The following IQSEC1 variants were observed in gnomAD, a reference collection of about 807,000 sequenced individuals.
IQSEC1 encodes IQ motif and SEC7 domain-containing protein 1.
Under a neutral mutation model 91.0 loss-of-function variants are expected in IQSEC1, and 31 were observed. The observed-to-expected ratio is 0.34, with a 90% confidence interval of 0.26 to 0.46. IQSEC1 has a LOEUF of 0.46. Among genes scored for constraint, IQSEC1 ranks in the 20% least tolerant of loss-of-function variants. The pLI, the probability that IQSEC1 is intolerant of heterozygous loss-of-function variation, is 1.00. For synonymous variants in IQSEC1, 699 were observed against 662.6 expected (o/e 1.05, Z -0.84); for missense variants, 1,388 against 1,575.6 (o/e 0.88, Z 2.02).
At chr3:13,219,326 C>A (rs1694611140) in intron 1 of IQSEC1, among the ~76,000 whole-genome samples, 1 of 152,168 alleles carries the variant, frequency 6.6e-6, no homozygotes. Flanking sequence ...TCACTGGCCG[C>A]GGCTGCCCAC....
At chr3:13,168,822 T>C (rs1296559360) in intron 1 of IQSEC1, among the ~76,000 whole-genome samples, 2 of 152,194 alleles carry the variant, frequency 1.3e-5, no homozygotes, top group Non-Finnish European at 2.9e-5. Flanking sequence ...CTTCCTGGTA[T>C]CCCTCCTATC....
intron 2 of IQSEC1, among the ~76,000 whole-genome samples, chr3:13,115,588 C>T (rs1002362632): frequency 4.6e-5 from 7 of 152,190 alleles, no homozygotes; most frequent in East Asian, 3.8e-4. Flanking sequence ...AACAAGAATA[C>T]GTTGTCTCAC....
chr3:13,076,140 C>T (rs191369302), upstream of IQSEC1, among the ~76,000 whole-genome samples: 600 of 152,302 alleles, frequency 3.9e-3, 2 homozygotes, highest in African/African-American at 0.012. Context: ...GCAGGGGCAG[C>T]CAGCCTTGGG....
intron 1 of IQSEC1, among the ~76,000 whole-genome samples, chr3:12,985,428 G>T (rs1701679425): frequency 6.6e-6 from 1 of 152,172 alleles, no homozygotes; most frequent in African/African-American, 2.4e-5. Flanking sequence ...GGGGGTGGGA[G>T]AGCTGGTCTC....
rs1180453597 is a variant in IQSEC1 at position 12,941,688 on chromosome 3, C to T, written c.201G>A (p.Arg67=). 1 of 1,612,876 alleles carries T rather than the reference C, an allele frequency of 6.2e-7. No homozygotes were observed. Among genetic ancestry groups the T allele is most frequent in the South Asian group, 1.1e-5 (1 of 91,070 alleles). The change falls in exon 2 of 14, where the codon AGG becomes AGA. Residue 67 remains arginine (R), a synonymous_variant. Transcript: ENST00000613206. ...TGGAGGTCGAGTGCTGCAGCTTGGGCCTCCGCGTGCGCTGCTGTTGCCCCG... is the reference window on the plus strand; with the variant it reads ...TGGAGGTCGAGTGCTGCAGCTTGGGTCTCCGCGTGCGCTGCTGTTGCCCCG... The part of the protein sequence containing the change: ...GPPGQQQRTR[R]PKLQHSTSIL...
At chr3:13,017,019 C>A (rs1703165334) in intron 1 of IQSEC1, among the ~76,000 whole-genome samples, 1 of 152,218 alleles carries the variant, frequency 6.6e-6, no homozygotes. Flanking sequence ...AGCATGATGT[C>A]CTCAAGGTTC....
rs1363286667 is a variant in IQSEC1 at position 13,193,465 on chromosome 3, G to T, written c.273-29332C>A. Among the ~76,000 whole-genome samples the T allele has an allele frequency of 6.6e-6, 1 of 152,212 alleles. No individual in the cohort carries two copies. Among genetic ancestry groups the T allele is most frequent in the Non-Finnish European group, 1.5e-5 (1 of 68,040 alleles). ...GTGACCACAGGAAGGGGAGCACGCT[G>T]GGGGATGAAGGATGTGGACGGTCGG... is the stretch of plus-strand genomic sequence containing the variant. On this transcript the variant is annotated intron_variant, in intron 1 of 15. Coordinates refer to the IQSEC1 transcript ENST00000648114. This position sits in a 1 kb window ranked among gnomAD's most constrained non-coding sequence, Gnocchi z 4.2.
At chr3:13,135,938 C>T (rs1275049076) in intron 2 of IQSEC1, among the ~76,000 whole-genome samples, 1 of 152,158 alleles carries the variant, frequency 6.6e-6, no homozygotes, top group Admixed American at 6.5e-5. Flanking sequence ...AAGCGCAGGC[C>T]CTGCCCCAGG....
chr3:13,151,217 G>A (rs917671663), intron 2 of IQSEC1, among the ~76,000 whole-genome samples: 2 of 152,168 alleles, frequency 1.3e-5, no homozygotes, highest in Non-Finnish European at 2.9e-5. Flanking sequence ...CCCACCTAAC[G>A]TCAGGTATTG....
At chr3:13,081,969 T>C (rs1214130871) in intron 2 of IQSEC1, among the ~76,000 whole-genome samples, 1 of 152,092 alleles carries the variant, frequency 6.6e-6, no homozygotes, top group Non-Finnish European at 1.5e-5. Flanking sequence ...CAGGGGTCGG[T>C]AGAGTGGGGT....
chr3:12,966,852 C>T (rs896607310), intron 1 of IQSEC1, among the ~76,000 whole-genome samples: 1 of 152,196 alleles, frequency 6.6e-6, no homozygotes, highest in Non-Finnish European at 1.5e-5. Context: ...GTCTTGCAGA[C>T]AGGACAGACA....
At chr3:12,915,469 G>T in intron 7 of IQSEC1, 125 bp downstream of exon 7, 1 of 1,042,800 alleles carries the variant, frequency 9.6e-7, no homozygotes, top group Non-Finnish European at 1.4e-6. Flanking sequence ...CCAAGCCCTG[G>T]CAGAATTCAC....
chr3:13,116,717 A>G (rs1293751704), intron 2 of IQSEC1, among the ~76,000 whole-genome samples: 1 of 152,172 alleles, frequency 6.6e-6, no homozygotes, highest in Non-Finnish European at 1.5e-5. Context: ...CCTGGCCAAC[A>G]TGGTGAAACC....
intron 1 of IQSEC1, among the ~76,000 whole-genome samples, chr3:13,180,540 G>C (rs1031421346): frequency 6.6e-6 from 1 of 152,092 alleles, no homozygotes; most frequent in Admixed American, 6.5e-5. Context: ...ATAAAAGCAG[G>C]CTGCCCGAGC....
intron 1 of IQSEC1, among the ~76,000 whole-genome samples, chr3:12,955,837 A>C (rs1699867409): frequency 6.6e-6 from 1 of 152,152 alleles, no homozygotes; most frequent in Non-Finnish European, 1.5e-5. Context: ...TGCTCCCCAT[A>C]AGGAGACCTC....
intron 1 of IQSEC1, among the ~76,000 whole-genome samples, chr3:13,281,797 T>G (rs1281171716): frequency 6.6e-6 from 1 of 152,160 alleles, no homozygotes; most frequent in Non-Finnish European, 1.5e-5. Flanking sequence ...TGATTTCTAG[T>G]CTTCCCCAGG....
intron 2 of IQSEC1, among the ~76,000 whole-genome samples, chr3:13,146,332 A>T (rs2124949121): frequency 6.6e-6 from 1 of 152,232 alleles, no homozygotes; most frequent in East Asian, 1.9e-4. Context: ...TCACGTGTCA[A>T]CTTCACTGTA....
chr3:13,005,587 C>T (rs1030145154), intron 1 of IQSEC1, among the ~76,000 whole-genome samples: 2 of 152,208 alleles, frequency 1.3e-5, no homozygotes, highest in Non-Finnish European at 2.9e-5. Flanking sequence ...GCTTTGAGCC[C>T]AGCTCTCCAC....
intron 1 of IQSEC1, among the ~76,000 whole-genome samples, chr3:12,981,754 GC>G (rs1701474295): frequency 6.6e-6 from 1 of 152,216 alleles, no homozygotes; most frequent in South Asian, 2.1e-4. Flanking sequence ...ACCCGGAAGA[GC>G]TAGCTGTGGA....
Sources: allele counts gnomAD v4.1 joint callset (sites outside exome capture counted in the v4.1 genomes callset), GRCh38; gene constraint gnomAD v4.1.1; non-coding constraint Gnocchi (gnomAD v3.1); transcripts MANE v1.5; gene names NCBI Gene and HGNC (gene_info 2026-07-23, HGNC 2026-07-21).